TMOD2: variants seen among roughly 807,000 people sequenced by gnomAD.
TMOD2 encodes the protein tropomodulin-2.
A neutral mutation model predicts 39.9 loss-of-function variants in TMOD2; 22 were observed. That is an observed-to-expected ratio of 0.55 (90% CI 0.39 to 0.79). The LOEUF (loss-of-function observed/expected upper bound fraction) is 0.79. TMOD2 is among the 30% of genes least tolerant of loss of function. The pLI is 0.00. For synonymous variants in TMOD2, 123 were observed against 146.1 expected (o/e 0.84, Z 1.14); for missense variants, 386 against 413.3 (o/e 0.93, Z 0.57).
intron 7 of TMOD2, among the ~76,000 whole-genome samples, chr15:51,790,220 A>G (rs958978966): frequency 2.6e-5 from 4 of 152,268 alleles, no homozygotes; most frequent in East Asian, 1.9e-4. Context: ...AGAGAATATT[A>G]TAAACACCTC....
At position 51,811,752 on chromosome 15, in the gene TMOD2, A is replaced by G. The variant is rs1314063473; in HGVS notation, c.*3298A>G. 1 of 152,188 alleles carries G rather than the reference A, an allele frequency of 6.6e-6. No homozygotes were observed. The highest frequency in any genetic ancestry group is 1.5e-5 in the Non-Finnish European group (1 of 68,044). 9.4% of individuals were successfully genotyped at this position (152,188 alleles called of 1,614,324 possible). A position where few individuals can be genotyped will look rare whatever the true frequency, so the allele number is the denominator to read the frequency against. Reference sequence around the variant, plus strand: ...GATTGAAGGGAGATGCTCTCTCCCCAGTCCTCTTCCCTTGTCCTTTTTAGA... The same window carrying G: ...GATTGAAGGGAGATGCTCTCTCCCCGGTCCTCTTCCCTTGTCCTTTTTAGA... On this transcript the variant is annotated 3_prime_UTR_variant, in exon 10 of 10. Coordinates refer to ENST00000249700, the MANE Select transcript of TMOD2 (RefSeq NM_014548.4).
intron 7 of TMOD2, chr15:51,783,173 G>A (rs549527908): frequency 3.9e-4 from 84 of 212,748 alleles, no homozygotes; most frequent in South Asian, 1.6e-3. Context: ...AGCCCTTCAG[G>A]AATTAGGCAT....
chr15:51,791,927 A>G (rs892000564), intron 7 of TMOD2, among the ~76,000 whole-genome samples: 11 of 152,240 alleles, frequency 7.2e-5, no homozygotes, highest in Non-Finnish European at 1.6e-4. Flanking sequence ...GGGCAATACC[A>G]TTCAGGACAT....
chr15:51,759,478 T>C (rs2055764467), intron 1 of TMOD2, among the ~76,000 whole-genome samples: 1 of 152,136 alleles, frequency 6.6e-6, no homozygotes, highest in African/African-American at 2.4e-5. Context: ...GAAGAATTTA[T>C]AAGATGAGAC....
At chr15:51,769,772 C>T (rs187127008) in intron 3 of TMOD2, among the ~76,000 whole-genome samples, 2 of 152,150 alleles carry the variant, frequency 1.3e-5, no homozygotes, top group Non-Finnish European at 2.9e-5. Context: ...CAGTGGCTCA[C>T]ACCTGTAATT....
At chr15:51,780,955 A>G (rs755846083) in intron 5 of TMOD2, 89 bp from the exon 6 acceptor site, 5 of 1,044,228 alleles carry the variant, frequency 4.8e-6, no homozygotes, top group Non-Finnish European at 7.0e-6. Flanking sequence ...TGGAATCAGC[A>G]TATGAAAGAA....
At chr15:51,779,926 C>T (rs904124460) in intron 5 of TMOD2, among the ~76,000 whole-genome samples, 23 of 152,200 alleles carry the variant, frequency 1.5e-4, no homozygotes, top group Non-Finnish European at 2.4e-4. Context: ...AAGAAACTCT[C>T]TTGCTTCAGT....
At chr15:51,760,814 G>GA (rs11459575) in intron 1 of TMOD2, among the ~76,000 whole-genome samples, 65,967 of 151,138 alleles carry the variant, frequency 0.44, 14,555 homozygotes, top group Admixed American at 0.46. Context: ...CTCAAAAAAA[G>GA]AAAAAAAAAT....
At chr15:51,779,397 T>C (rs922133549) in intron 5 of TMOD2, among the ~76,000 whole-genome samples, 3 of 151,970 alleles carry the variant, frequency 2.0e-5, no homozygotes, top group Admixed American at 1.3e-4. Context: ...TTTTTTTTTT[T>C]TGAGACAGAG....
rs191476399 is a variant in TMOD2 at position 51,771,928 on chromosome 15, T to A, written c.284-1784T>A. On this transcript the variant is annotated intron_variant, in intron 3 of 9. Coordinates refer to ENST00000249700, the MANE Select transcript of TMOD2 (RefSeq NM_014548.4). ...ATTCCAAGGCAGGAAGTAGGATGCA[T>A]GTCAGTGATAATGACCTTGTTGCCA... Among the ~76,000 whole-genome samples, 67 of 152,354 alleles carry A rather than the reference T, an allele frequency of 4.4e-4. 1 individual carries two copies. Among genetic ancestry groups the A allele is most frequent in the Admixed American group, 1.1e-3 (17 of 15,300 alleles).
rs761551108 is a variant in TMOD2, at chr15:51,768,290, A to C, written c.155A>C (p.Gln52Pro). ...ESAMLPAGFR[Q>P]KDQTQKAATG... Reference sequence around the variant, plus strand: ...GCCATGCTGCCAGCTGGATTTCGACAGAAAGACCAGACACAGAAGGCAGCC... The same window carrying C: ...GCCATGCTGCCAGCTGGATTTCGACCGAAAGACCAGACACAGAAGGCAGCC... Residue 52 changes from glutamine (Q) to proline (P), a missense_variant, in exon 3 of 10, where the codon CAG (glutamine) becomes CCG (proline). Coordinates refer to ENST00000249700, the MANE Select transcript of TMOD2 (RefSeq NM_014548.4). 6.2e-7 allele frequency: 1 copy of C among 1,614,058 alleles called. No individual in the cohort carries two copies. The highest frequency in any genetic ancestry group is 8.5e-7 in the Non-Finnish European group (1 of 1,180,034).
intron 5 of TMOD2, 72 bp from the exon 6 acceptor site, chr15:51,780,971 AT>A: frequency 2.3e-6 from 3 of 1,302,410 alleles, no homozygotes; most frequent in Non-Finnish European, 3.2e-6. Context: ...AAGAAATGTC[AT>A]TTTTTGGGAA....
chr15:51,801,545 A>G (rs1487646607), intron 8 of TMOD2, among the ~76,000 whole-genome samples: 2 of 152,194 alleles, frequency 1.3e-5, no homozygotes, highest in Non-Finnish European at 1.5e-5. Flanking sequence ...CAGCACAGCA[A>G]TGGGCAGCTG....
intron 5 of TMOD2, among the ~76,000 whole-genome samples, chr15:51,777,908 C>T (rs1167869363): frequency 6.6e-6 from 1 of 151,972 alleles, no homozygotes; most frequent in Non-Finnish European, 1.5e-5. Flanking sequence ...ACTAGTTCAA[C>T]CATTGTGGAA....
intron 1 of TMOD2, among the ~76,000 whole-genome samples, 190 bp downstream of exon 1, chr15:51,751,902 G>A (rs1432501985): frequency 1.3e-5 from 2 of 149,578 alleles, no homozygotes; most frequent in Non-Finnish European, 3.0e-5. Flanking sequence ...GGTCGGCTGC[G>A]CCGGGAGACC....
At chr15:51,753,867 A>G (rs1316168725) in intron 1 of TMOD2, among the ~76,000 whole-genome samples, 1 of 152,214 alleles carries the variant, frequency 6.6e-6, no homozygotes, top group African/African-American at 2.4e-5. Flanking sequence ...TTATTGTACT[A>G]TTCTTTTAAC....
At chr15:51,773,683 A>G in intron 3 of TMOD2, 29 bp from the exon 4 acceptor site, 2 of 1,586,992 alleles carry the variant, frequency 1.3e-6, no homozygotes, top group African/African-American at 1.4e-5. Context: ...AGTAGTACTC[A>G]ATATTTTTGT....
chr15:51,775,587 T>C (rs1175985661), intron 4 of TMOD2, among the ~76,000 whole-genome samples: 3 of 137,900 alleles, frequency 2.2e-5, no homozygotes, highest in Non-Finnish European at 4.7e-5. Context: ...TTTTTTTTTT[T>C]TTTTTTTTGA....
Position 51,798,183 on chromosome 15 carries a change from T to G in TMOD2, c.733-14T>G. ...TAACTTAATTCTAAGTTTTTTTTCT[T>G]TTTGCATCATAAGGCTTTTGCAGAC... On this transcript the variant is annotated splice_polypyrimidine_tract_variant and intron_variant, in intron 7 of 9. Transcript: ENST00000249700. 6.4e-7 allele frequency: 1 copy of G among 1,567,986 alleles called. No individual in the cohort carries two copies. Among genetic ancestry groups the G allele is most frequent in the Admixed American group, 2.2e-5 (1 of 45,978 alleles).
Sources: allele counts gnomAD v4.1 joint callset (sites outside exome capture counted in the v4.1 genomes callset), GRCh38; gene constraint gnomAD v4.1.1; transcripts MANE v1.5; gene names NCBI Gene and HGNC (gene_info 2026-07-23, HGNC 2026-07-21).